Variants in TENM2 observed in about 807,000 individuals in gnomAD.
The protein encoded by TENM2 is teneurin transmembrane protein 2.
TENM2 carries 52 observed loss-of-function variants against 245.2 expected under a neutral mutation model. The ratio of observed to expected loss-of-function variants is 0.21; its 90% CI spans 0.17 to 0.27. The LOEUF (loss-of-function observed/expected upper bound fraction) is 0.27, where lower values mean the gene tolerates loss of function less well. TENM2 is among the 10% of genes least tolerant of loss of function. The pLI, the probability that TENM2 is intolerant of heterozygous loss-of-function variation, is 1.00. For missense variants in TENM2, 3,046 were observed against 3,666.8 expected (o/e 0.83, Z 4.37); for synonymous variants, 1,363 against 1,438.9 (o/e 0.95, Z 1.19).
At chr5:167,173,655 C>G in the TENM2 span, among the ~76,000 whole-genome samples, 1 of 151,768 alleles carries the variant, frequency 6.6e-6, no homozygotes, top group African/African-American at 2.4e-5. Context: ...CATTTTAATA[C>G]AGTTTCGAGT....
chr5:167,469,804 A>G lies in TENM2; in HGVS notation c.502+94331A>G, dbSNP rs369346914. On this transcript the variant is annotated intron_variant, in intron 2 of 28. Coordinates refer to ENST00000518659, the Ensembl canonical transcript of TENM2. ...GTGTGTTTATTAAAAGAAACTAAAT[A>G]ATGGAGACAGCATGGGAGTAGTCAT... Among the ~76,000 whole-genome samples the G allele has an allele frequency of 3.3e-5, 5 of 152,246 alleles. No individual in the cohort carries two copies. In the South Asian group the frequency reaches 1.0e-3, roughly 32 times the overall value.
intron 2 of TENM2, among the ~76,000 whole-genome samples, chr5:167,676,979 C>G (rs1756372701): frequency 6.6e-6 from 1 of 152,058 alleles, no homozygotes; most frequent in African/African-American, 2.4e-5. Context: ...GTAATTCTCT[C>G]AACTAAATGT....
chr5:167,832,328 T>A (rs1179697116), intron 2 of TENM2, among the ~76,000 whole-genome samples: 1 of 152,224 alleles, frequency 6.6e-6, no homozygotes, highest in Non-Finnish European at 1.5e-5. Context: ...ATAGATAGAC[T>A]ACAGCAAGCG....
chr5:167,818,444 C>A (rs1173445683), intron 2 of TENM2, among the ~76,000 whole-genome samples: 1 of 152,160 alleles, frequency 6.6e-6, no homozygotes, highest in East Asian at 1.9e-4. Context: ...GTTATAAGCT[C>A]ATAAGATGCT....
intron 2 of TENM2, among the ~76,000 whole-genome samples, chr5:167,797,287 C>T (rs1487723494): frequency 1.3e-5 from 2 of 152,130 alleles, no homozygotes; most frequent in African/African-American, 4.8e-5. Flanking sequence ...GAGTCCTGAC[C>T]TCCTTTTTCT....
intron 2 of TENM2, among the ~76,000 whole-genome samples, chr5:167,603,976 C>G (rs924236442): frequency 6.6e-6 from 1 of 152,118 alleles, no homozygotes; most frequent in Non-Finnish European, 1.5e-5. Context: ...GGATAAGGTA[C>G]AAATTTCCCC....
chr5:167,281,346 A>G (rs1771057756), upstream of TENM2, among the ~76,000 whole-genome samples: 1 of 151,126 alleles, frequency 6.6e-6, no homozygotes, highest in South Asian at 2.1e-4. Flanking sequence ...TGAACTCCTA[A>G]CCTCGTTATG....
chr5:167,861,785 A>G (rs1313440623), intron 2 of TENM2, among the ~76,000 whole-genome samples: 1 of 152,250 alleles, frequency 6.6e-6, no homozygotes, highest in Non-Finnish European at 1.5e-5. Flanking sequence ...TGAGCCTGAT[A>G]GCACAGGGCT....
intron 2 of TENM2, among the ~76,000 whole-genome samples, chr5:167,497,376 G>A (rs906912188): frequency 6.6e-6 from 1 of 152,092 alleles, no homozygotes; most frequent in African/African-American, 2.4e-5. Context: ...ATTCTAAAAA[G>A]ATGTTCTCTG....
chr5:168,240,147 G>T (rs914795415), intron 25 of TENM2, among the ~76,000 whole-genome samples: 1 of 152,188 alleles, frequency 6.6e-6, no homozygotes, highest in African/African-American at 2.4e-5. Context: ...TTGAACCCAG[G>T]GGGCAGAGGT....
At chr5:167,175,641 G>A in the TENM2 span, among the ~76,000 whole-genome samples, 39 of 152,128 alleles carry the variant, frequency 2.6e-4, no homozygotes, top group Non-Finnish European at 2.9e-5. Flanking sequence ...CTGATAAAAG[G>A]CCCTCATTTC....
At chr5:168,047,612 T>G (rs1177924528) in intron 6 of TENM2, 63 bp downstream of exon 8, 1 of 1,517,848 alleles carries the variant, frequency 6.6e-7, no homozygotes, top group African/African-American at 1.4e-5. Context: ...TCTCGCCAGC[T>G]GGTTCAGGTT....
At chr5:167,713,329 T>C (rs968904187) in intron 2 of TENM2, among the ~76,000 whole-genome samples, 5 of 151,384 alleles carry the variant, frequency 3.3e-5, no homozygotes, top group African/African-American at 1.2e-4. Context: ...CATCCTGTAG[T>C]ACTCCCCTTG....
At chr5:167,754,224 T>C (rs575096803) in intron 2 of TENM2, among the ~76,000 whole-genome samples, 1 of 152,304 alleles carries the variant, frequency 6.6e-6, no homozygotes, top group South Asian at 2.1e-4. Context: ...CTCTGCTTTA[T>C]TGGCCCTTTG....
At chr5:167,305,843 C>A (rs1288327807) in intron 1 of TENM2, among the ~76,000 whole-genome samples, 1 of 152,146 alleles carries the variant, frequency 6.6e-6, no homozygotes, top group Non-Finnish European at 1.5e-5. Context: ...GTGCACCTCA[C>A]AAGTATCCAT....
At chr5:167,744,750 G>A (rs1761437420) in intron 2 of TENM2, among the ~76,000 whole-genome samples, 1 of 152,068 alleles carries the variant, frequency 6.6e-6, no homozygotes, top group Admixed American at 6.6e-5. Flanking sequence ...GAAATGGCAG[G>A]TTTTAATTGA....
chr5:167,016,649 A>G, the TENM2 span, among the ~76,000 whole-genome samples: 2 of 152,204 alleles, frequency 1.3e-5, no homozygotes, highest in African/African-American at 4.8e-5. Context: ...GACAACATGG[A>G]TGAACAACAA....
At chr5:167,163,388 T>C in the TENM2 span, among the ~76,000 whole-genome samples, 1 of 152,316 alleles carries the variant, frequency 6.6e-6, no homozygotes, top group Non-Finnish European at 1.5e-5. Flanking sequence ...CGTGAGCCAC[T>C]GCACCTAGCC....
intron 2 of TENM2, among the ~76,000 whole-genome samples, chr5:167,573,531 C>CGT (rs1554083976): frequency 3.3e-5 from 5 of 149,946 alleles, no homozygotes; most frequent in Non-Finnish European, 7.4e-5. Context: ...CCCCTCTCCC[C>CGT]CTCTCTCTCT....
Sources: gnomAD v4.1 joint callset for allele counts (sites outside exome capture counted in the v4.1 genomes callset) on GRCh38, gnomAD v4.1.1 for gene constraint, MANE v1.5 for transcripts, NCBI Gene and HGNC (gene_info 2026-07-23, HGNC 2026-07-21) for gene names.